The following IL1RAPL2 variants were observed in gnomAD, a reference collection of about 807,000 sequenced individuals.
IL1RAPL2 encodes X-linked interleukin-1 receptor accessory protein-like 2.
A neutral mutation model predicts 44.1 loss-of-function variants in IL1RAPL2; 3 were observed. The ratio of observed to expected loss-of-function variants is 0.07; its 90% confidence interval spans 0.03 to 0.18. The LOEUF is 0.18. IL1RAPL2 is among the 10% of genes least tolerant of loss of function. The pLI, the probability that IL1RAPL2 is intolerant of heterozygous loss-of-function variation, is 1.00. For synonymous variants in IL1RAPL2, 181 were observed against 178.8 expected, an observed-to-expected ratio of 1.01 and a Z score of -0.10; for missense variants, 391 against 496.4, an observed-to-expected ratio of 0.79 and a Z score of 2.02.
intron 2 of IL1RAPL2, among the ~76,000 whole-genome samples, chrX:105,071,742 C>T (rs2032209479): frequency 8.9e-6 from 1 of 111,799 alleles, no homozygotes; most frequent in South Asian, 3.7e-4. Flanking sequence ...TGATGTTTGA[C>T]ACAGGTGCTA....
intron 2 of IL1RAPL2, among the ~76,000 whole-genome samples, chrX:104,869,995 T>C (rs776989145): frequency 8.9e-6 from 1 of 112,259 alleles, no homozygotes; most frequent in East Asian, 2.8e-4. Flanking sequence ...AGATCTCTTA[T>C]ATGTATCCCC....
At chrX:105,702,586 C>A (rs965508314) in intron 6 of IL1RAPL2, among the ~76,000 whole-genome samples, 3 of 111,724 alleles carry the variant, frequency 2.7e-5, no homozygotes, top group Non-Finnish European at 5.6e-5. Flanking sequence ...TTTACTTCAT[C>A]CTCTGACCAC....
intron 2 of IL1RAPL2, among the ~76,000 whole-genome samples, chrX:104,908,054 G>A (rs1171406439): frequency 9.0e-6 from 1 of 110,683 alleles, no homozygotes; most frequent in South Asian, 3.8e-4. Context: ...TTACCATTAT[G>A]TAATGGCCTT....
At chrX:104,946,379 CAAAAA>C (rs1157603029) in intron 2 of IL1RAPL2, among the ~76,000 whole-genome samples, 53 of 9,131 alleles carry the variant, frequency 5.8e-3, no homozygotes, top group Admixed American at 0.01. Context: ...GACTCCGTCT[CAAAAA>C]AAAAAAAAAA....
chrX:104,971,543 G>A (rs1019989278), intron 2 of IL1RAPL2, among the ~76,000 whole-genome samples: 1 of 110,610 alleles, frequency 9.0e-6, no homozygotes, highest in African/African-American at 3.3e-5. Flanking sequence ...TGAGCAGCAG[G>A]TTTTATTAAT....
intron 7 of IL1RAPL2, among the ~76,000 whole-genome samples, chrX:105,736,093 T>C (rs1015386995): frequency 2.7e-5 from 3 of 111,119 alleles, no homozygotes; most frequent in Non-Finnish European, 5.7e-5. Flanking sequence ...ATCTGATCTT[T>C]GACAAAGTTG....
intron 2 of IL1RAPL2, among the ~76,000 whole-genome samples, chrX:104,870,137 G>T (rs1026969836): frequency 6.3e-5 from 7 of 111,964 alleles, no homozygotes; most frequent in African/African-American, 2.3e-4. Flanking sequence ...TGAGCTTAGA[G>T]ACAGAAGTCA....
chrX:105,285,547 C>T (rs745342651), intron 5 of IL1RAPL2, among the ~76,000 whole-genome samples: 5 of 111,616 alleles, frequency 4.5e-5, no homozygotes, highest in Non-Finnish European at 9.4e-5. Flanking sequence ...GAATAGCATA[C>T]AGTCTGATTC....
At chrX:104,576,164 AT>A (rs1357874684) in intron 1 of IL1RAPL2, among the ~76,000 whole-genome samples, 2 of 111,228 alleles carry the variant, frequency 1.8e-5, no homozygotes, top group Admixed American at 1.9e-4. Context: ...TTTTATTACA[AT>A]TTTTAGATGA....
chrX:104,771,223 T>C (rs1268864107), intron 2 of IL1RAPL2, among the ~76,000 whole-genome samples: 5 of 112,245 alleles, frequency 4.5e-5, no homozygotes, highest in Non-Finnish European at 7.5e-5. Context: ...ATAGCTTTAC[T>C]CCCACATACC....
At chrX:105,551,311 C>CA (rs955958948) in intron 6 of IL1RAPL2, among the ~76,000 whole-genome samples, 27 of 104,330 alleles carry the variant, frequency 2.6e-4, no homozygotes, top group African/African-American at 7.6e-4. Flanking sequence ...ACAACAACAA[C>CA]AAAAAAAACA....
intron 2 of IL1RAPL2, among the ~76,000 whole-genome samples, chrX:105,075,924 C>G (rs952594820): frequency 9.0e-6 from 1 of 110,902 alleles, no homozygotes; most frequent in African/African-American, 3.3e-5. Flanking sequence ...CTATTTGATT[C>G]TTCTCTCTTT....
chrX:105,080,521 A>G (rs1372845315), intron 2 of IL1RAPL2, among the ~76,000 whole-genome samples: 2 of 111,161 alleles, frequency 1.8e-5, no homozygotes, highest in East Asian at 2.8e-4. Context: ...CAAAGATCAG[A>G]TGGTTGCAGA....
chrX:104,743,621 A>T (rs1297230782), intron 2 of IL1RAPL2, among the ~76,000 whole-genome samples: 1 of 111,486 alleles, frequency 9.0e-6, no homozygotes, highest in African/African-American at 3.3e-5. Context: ...GAAATTTAAT[A>T]GCCTCTGAGC....
At chrX:104,767,054 G>A (rs983181969) in intron 2 of IL1RAPL2, among the ~76,000 whole-genome samples, 1 of 111,881 alleles carries the variant, frequency 8.9e-6, no homozygotes, top group Admixed American at 9.5e-5. Flanking sequence ...CCTCCACAGG[G>A]TTCATGTAGA....
chrX:105,245,779 T>G (rs771795149), intron 4 of IL1RAPL2, among the ~76,000 whole-genome samples: 1 of 112,525 alleles, frequency 8.9e-6, no homozygotes, highest in Non-Finnish European at 1.9e-5. Flanking sequence ...AAAATGCAAA[T>G]ACACACTTTG....
chrX:104,718,066 T>C (rs961681746), intron 2 of IL1RAPL2, among the ~76,000 whole-genome samples: 2 of 111,046 alleles, frequency 1.8e-5, no homozygotes, highest in Non-Finnish European at 3.8e-5. Context: ...AATAAACATA[T>C]GTGTGCATGT....
intron 2 of IL1RAPL2, among the ~76,000 whole-genome samples, chrX:104,717,282 A>AG (rs951742288): frequency 9.1e-6 from 1 of 109,877 alleles, no homozygotes; most frequent in African/African-American, 3.3e-5. Flanking sequence ...GGAGGTTGAA[A>AG]GGAGGGAGAG....
chrX:105,709,381 G>A (rs1489796327), intron 6 of IL1RAPL2, among the ~76,000 whole-genome samples: 3 of 111,907 alleles, frequency 2.7e-5, no homozygotes, highest in Admixed American at 9.5e-5. Flanking sequence ...AGCTACCTGA[G>A]GCACAGAGAT....
Sources: allele counts gnomAD v4.1 joint callset (sites outside exome capture counted in the v4.1 genomes callset), GRCh38; gene constraint gnomAD v4.1.1; transcripts MANE v1.5; gene names NCBI Gene and HGNC (gene_info 2026-07-23, HGNC 2026-07-21).